Variants in PAQR9 observed in about 807,000 individuals in gnomAD.
The protein encoded by PAQR9 is progestin and adipoQ receptor family member 9.
A neutral mutation model predicts 24.0 loss-of-function variants in PAQR9; 12 were observed. The observed-to-expected ratio is 0.50, with a 90% CI of 0.32 to 0.81. The LOEUF (loss-of-function observed/expected upper bound fraction) is 0.81, where lower values mean the gene tolerates loss of function less well. Among genes scored for constraint, PAQR9 ranks in the 30% least tolerant of loss-of-function variants. PAQR9 has a pLI of 0.03. For missense variants in PAQR9, 418 were observed against 520.8 expected (o/e 0.80, Z 1.92); for synonymous variants, 266 against 237.6 (o/e 1.12, Z -1.10).
rs1385392317 is a variant in PAQR9, at chr3:142,962,977, T to C, written c.360A>G (p.Leu120=). ...GDVPFHHPWL[L]PLWCYASGVL... The stretch of plus-strand genomic sequence containing the variant: ...CTCCCGACGCGTAGCACCACAACGG[T>C]AGCAGCCACGGGTGGTGGAAGGGCA... The change falls in exon 1 of 1, where the codon CTA becomes CTG. Residue 120 remains leucine (L), a synonymous_variant. Coordinates refer to ENST00000340634, the MANE Select transcript of PAQR9 (RefSeq NM_198504.4). 3 of 1,613,984 alleles carry C rather than the reference T, an allele frequency of 1.9e-6. No individual in the cohort carries two copies. The South Asian group carries it at 3.3e-5, about 18-fold the overall frequency.
At position 142,960,284 on chromosome 3, in the gene PAQR9, AC is replaced by A. The variant is rs1167822225; in HGVS notation, c.*1918del. 3.9e-5 allele frequency: 6 copies of A among 152,302 alleles called. No individual in the cohort carries two copies. In the East Asian group the frequency reaches 1.2e-3, roughly 29 times the overall value. The allele number at this position is 152,302 out of a possible 1,614,324, so 9.4% of individuals were successfully genotyped here. ...AGAAGTGATTAAAAGCATAAACAAA[AC>A]CAGCAATTGTTTTAGAAGTGCCAGC... On this transcript the variant is annotated 3_prime_UTR_variant, in exon 1 of 1. Transcript: ENST00000340634.
In PAQR9 at chr3:142,962,165, C is replaced by T. The variant is rs368699463; in HGVS notation, c.*38G>A. 3 of 1,582,538 alleles carry T rather than the reference C, an allele frequency of 1.9e-6. No homozygotes were observed. Among genetic ancestry groups the T allele is most frequent in the Non-Finnish European group, 2.6e-6 (3 of 1,160,326 alleles). ...CAATAGCAACAACAGAAACTCCAAACAGATGGGCGAACCAGTAGTCTCCTC... is the reference window on the plus strand; with the variant it reads ...CAATAGCAACAACAGAAACTCCAAATAGATGGGCGAACCAGTAGTCTCCTC... On this transcript the variant is annotated 3_prime_UTR_variant, in exon 1 of 1. Coordinates refer to ENST00000340634, the MANE Select transcript of PAQR9 (RefSeq NM_198504.4).
At position 142,962,544 on chromosome 3, in the gene PAQR9, C is replaced by T. The variant is rs748729151; in HGVS notation, c.793G>A (p.Asp265Asn). 1.9e-6 allele frequency: 3 copies of T among 1,613,686 alleles called. No individual in the cohort carries two copies. Among genetic ancestry groups the T allele is most frequent in the Non-Finnish European group, 2.5e-6 (3 of 1,179,994 alleles). The change falls in exon 1 of 1, where the codon GAC becomes AAC. Residue 265 changes from aspartate (D) to asparagine (N), a missense_variant. By Grantham distance (23) the Asp-to-Asn change is conservative. Around this residue, in one of 3 missense-constraint regions of PAQR9, gnomAD observed 230 missense variants for 305.2 expected, o/e 0.75. Transcript: ENST00000340634. ...AGTGTGGGGTTCTCCCCACGCAGGT[C>T]GAAGAGCCAGCTCTCGAGCATAATG... Reference protein sequence around the residue: ...CPIMLESWLFDLRGENPTLFV... With the variant: ...CPIMLESWLFNLRGENPTLFV...
chr3:142,955,974 A>C lies in PAQR9; in HGVS notation c.*6229T>G, dbSNP rs1414512376. ...ATTTGAGTAAGAGCTCAAGGTGATT[A>C]AACTCACCGGATAAAGATGAGTCTT... is the stretch of plus-strand genomic sequence containing the variant. On this transcript the variant is annotated 3_prime_UTR_variant, in exon 1 of 1. Transcript: ENST00000340634. Among the ~76,000 whole-genome samples the C allele has an allele frequency of 6.6e-6, 1 of 152,220 alleles. No individual in the cohort carries two copies. Among genetic ancestry groups the C allele is most frequent in the East Asian group, 1.9e-4 (1 of 5,200 alleles).
Position 142,962,739 on chromosome 3 carries a change from C to A in PAQR9, c.598G>T (p.Val200Leu), listed in dbSNP as rs1934925641. The change falls in exon 1 of 1, where the codon GTG (valine) becomes TTG (leucine). Residue 200 changes from valine (V) to leucine (L), a missense_variant. Physicochemically the swap from Val to Leu is conservative, Grantham distance 32. Coordinates refer to ENST00000340634, the MANE Select transcript of PAQR9 (RefSeq NM_198504.4). ...PYLQQRLGWH[V>L]DCTRLIAAYR... ...GCGGCGATAAGGCGCGTGCAGTCCA[C>A]GTGCCAGCCCAGGCGCTGCTGCAAG... The A allele has an allele frequency of 6.2e-7, 1 of 1,612,480 alleles. No individual in the cohort carries two copies.
At position 142,962,338 on chromosome 3, in the gene PAQR9, C is replaced by T. The variant is rs751434392; in HGVS notation, c.999G>A (p.Leu333=). 6.2e-7 allele frequency: 1 copy of T among 1,614,114 alleles called. No individual in the cohort carries two copies. The highest frequency in any genetic ancestry group is 8.5e-7 in the Non-Finnish European group (1 of 1,180,028). Residue 333 remains leucine, a synonymous_variant, in exon 1 of 1, where the codon CTG becomes CTA. Coordinates refer to ENST00000340634, the MANE Select transcript of PAQR9 (RefSeq NM_198504.4). The part of the protein sequence containing the change: ...YDQVYYVEEG[L]RQFLQAPPAA... Reference sequence around the variant, plus strand: ...CAGGCGGCGCCTGGAGGAACTGGCGCAGGCCCTCTTCTACGTAGTACACCT... The same window carrying T: ...CAGGCGGCGCCTGGAGGAACTGGCGTAGGCCCTCTTCTACGTAGTACACCT...
chr3:142,963,932 G>A, upstream of PAQR9: 7 of 971,400 alleles, frequency 7.2e-6, no homozygotes, highest in Non-Finnish European at 8.6e-6. Context: ...CGGCGACGCG[G>A]CGGCGCGCGC....
upstream of PAQR9, chr3:142,963,858 C>T (rs1390388588): frequency 1.0e-6 from 1 of 985,196 alleles, no homozygotes; most frequent in South Asian, 4.7e-5. Flanking sequence ...GTACCATCCC[C>T]CTCCTCGGGC....
At chr3:142,952,634 G>C (rs1934731555), downstream of PAQR9, among the ~76,000 whole-genome samples, 1 of 152,160 alleles carries the variant, frequency 6.6e-6, no homozygotes, top group Non-Finnish European at 1.5e-5. Flanking sequence ...GTTTGATCAA[G>C]GCTTCCTTTG....
At chr3:142,953,751 G>A (rs578205393), downstream of PAQR9, among the ~76,000 whole-genome samples, 373 of 152,246 alleles carry the variant, frequency 2.4e-3, 1 homozygote, top group African/African-American at 8.0e-3. Flanking sequence ...CCCTCCATGC[G>A]GTTCTGGAAA....
chr3:142,955,968 G>T lies in PAQR9; in HGVS notation c.*6235C>A, dbSNP rs1285815279. On this transcript the variant is annotated 3_prime_UTR_variant, in exon 1 of 1. Transcript: ENST00000340634. ...TTTATCATTTGAGTAAGAGCTCAAG[G>T]TGATTAAACTCACCGGATAAAGATG... Among the ~76,000 whole-genome samples, 1 of 152,028 alleles carries T rather than the reference G, an allele frequency of 6.6e-6. No individual in the cohort carries two copies. Among genetic ancestry groups the T allele is most frequent in the Non-Finnish European group, 1.5e-5 (1 of 68,002 alleles).
Position 142,960,546 on chromosome 3 carries a change from G to A in PAQR9, c.*1657C>T, listed in dbSNP as rs2108242128. 6.6e-6 allele frequency: 1 copy of A among 152,346 alleles called. No homozygotes were observed. The highest frequency in any genetic ancestry group is 2.4e-5 in the African/African-American group (1 of 41,430). 9.4% of individuals were successfully genotyped at this position (152,346 alleles called of 1,614,324 possible). The stretch of plus-strand genomic sequence containing the variant: ...CCACTCCTCCTGCTGAGCCAGTAAA[G>A]GCACACATGTCTCCAAACAAAACAA... On this transcript the variant is annotated 3_prime_UTR_variant, in exon 1 of 1. Transcript: ENST00000340634.
upstream of PAQR9, chr3:142,963,853 A>G (rs1934972607): frequency 2.0e-6 from 2 of 984,998 alleles, no homozygotes; most frequent in South Asian, 4.7e-5. Context: ...GTTCCGTACC[A>G]TCCCCCTCCT....
In PAQR9 at chr3:142,956,135, A is replaced by T. The variant is rs1934787996; in HGVS notation, c.*6068T>A. ...AGGAATTTTATTTTTTGCATCCAGC[A>T]TATTAAAAACAGATTATGCTTTCCA... On this transcript the variant is annotated 3_prime_UTR_variant, in exon 1 of 1. Transcript: ENST00000340634. Among the ~76,000 whole-genome samples the T allele has an allele frequency of 6.6e-6, 1 of 152,234 alleles. No individual in the cohort carries two copies. Among genetic ancestry groups the T allele is most frequent in the South Asian group, 2.1e-4 (1 of 4,834 alleles).
In PAQR9 at chr3:142,963,101, T is replaced by C; in HGVS notation, c.236A>G (p.Lys79Arg). 1.2e-6 allele frequency: 2 copies of C among 1,613,932 alleles called. No homozygotes were observed. The highest frequency in any genetic ancestry group is 1.7e-6 in the Non-Finnish European group (2 of 1,179,924). ...GAAGTTGAGCGTCTCGTTGGTAGGC[T>C]TCAGCACCGAGGCTAGGCACTCCTG... Reference protein sequence around the residue: ...TAQECLASVLKPTNETLNFWT... With the variant: ...TAQECLASVLRPTNETLNFWT... Residue 79 changes from lysine to arginine, a missense_variant, in exon 1 of 1, where the codon AAG (lysine) becomes AGG (arginine). Physicochemically the swap from Lys to Arg is conservative, Grantham distance 26 (BLOSUM62 2). Around this residue, in one of 3 missense-constraint regions of PAQR9, gnomAD observed 180 missense variants for 190.3 expected, o/e 0.95. Coordinates refer to ENST00000340634, the MANE Select transcript of PAQR9 (RefSeq NM_198504.4).
chr3:142,956,112 G>T lies in PAQR9; in HGVS notation c.*6091C>A, dbSNP rs1934787618. ...ATACTTTTTTAAAAAATTTTCCCAG[G>T]AATTTTATTTTTTGCATCCAGCATA... On this transcript the variant is annotated 3_prime_UTR_variant, in exon 1 of 1. Transcript: ENST00000340634. Among the ~76,000 whole-genome samples the T allele has an allele frequency of 6.6e-6, 1 of 152,080 alleles. No individual in the cohort carries two copies. Among genetic ancestry groups the T allele is most frequent in the Admixed American group, 6.6e-5 (1 of 15,264 alleles).
At position 142,957,528 on chromosome 3, in the gene PAQR9, T is replaced by G. The variant is rs1444828584; in HGVS notation, c.*4675A>C. Among the ~76,000 whole-genome samples, 1 of 152,230 alleles carries G rather than the reference T, an allele frequency of 6.6e-6. No homozygotes were observed. The highest frequency in any genetic ancestry group is 1.5e-5 in the Non-Finnish European group (1 of 68,034). ...GAGAGCATTAGTTAATCTCAGTTAA[T>G]TTTGGAGATCTAGCCATTTACCTTC... On this transcript the variant is annotated 3_prime_UTR_variant, in exon 1 of 1. Transcript: ENST00000340634.
Position 142,958,056 on chromosome 3 carries a change from T to A in PAQR9, c.*4147A>T, listed in dbSNP as rs1376447312. Among the ~76,000 whole-genome samples, 2 of 152,178 alleles carry A rather than the reference T, an allele frequency of 1.3e-5. No individual in the cohort carries two copies. The highest frequency in any genetic ancestry group is 2.9e-5 in the Non-Finnish European group (2 of 68,030). On this transcript the variant is annotated 3_prime_UTR_variant, in exon 1 of 1. Coordinates refer to ENST00000340634, the MANE Select transcript of PAQR9 (RefSeq NM_198504.4). ...AATACGGATGGGTCCTTGCCCAATGTCTTACACACAGTAGGTGCTCAAAGA... is the reference window on the plus strand; with the variant it reads ...AATACGGATGGGTCCTTGCCCAATGACTTACACACAGTAGGTGCTCAAAGA...
chr3:142,962,746 GC>G lies in PAQR9; in HGVS notation c.590del (p.Gly197AlafsTer96). 3 of 1,612,456 alleles carry G rather than the reference GC, an allele frequency of 1.9e-6. No homozygotes were observed. The highest frequency in any genetic ancestry group is 8.5e-7 in the Non-Finnish European group (1 of 1,179,626). On this transcript the variant is annotated frameshift_variant, in exon 1 of 1. Coordinates refer to ENST00000340634, the MANE Select transcript of PAQR9 (RefSeq NM_198504.4). LOFTEE classifies it high-confidence loss of function. ...TAAGGCGCGTGCAGTCCACGTGCCA[GC>G]CCAGGCGCTGCTGCAAGTATGGAGT... ...VMTPYLQQRL[G>X]WHVDCTRLIA...
Sources: allele counts gnomAD v4.1 joint callset (sites outside exome capture counted in the v4.1 genomes callset), GRCh38; gene constraint gnomAD v4.1.1; regional missense constraint gnomAD v4.1.1; transcripts MANE v1.5; gene names NCBI Gene and HGNC (gene_info 2026-07-23, HGNC 2026-07-21).